Variants in VWF observed in about 807,000 individuals in gnomAD.
VWF encodes von Willebrand factor.
In VWF, 176 loss-of-function variants were observed where a neutral mutation model predicts 308.6. That is an observed-to-expected ratio of 0.57 (90% CI 0.50 to 0.65). VWF has a LOEUF of 0.65. VWF is among the 30% of genes least tolerant of loss of function. The probability of loss-of-function intolerance (pLI) is 0.00; values close to 1 mark genes in which losing one functional copy is unlikely to be tolerated. For missense variants in VWF, 3,146 were observed against 3,648.2 expected, an observed-to-expected ratio of 0.86 and a Z score of 3.55; for synonymous variants, 1,385 against 1,443.4, an observed-to-expected ratio of 0.96 and a Z score of 0.92.
At position 5,988,193 on chromosome 12, in the gene VWF, C is replaced by T. The variant is rs180796896; in HGVS notation, c.6799-2528G>A. Among the ~76,000 whole-genome samples the T allele has an allele frequency of 1.3e-3, 195 of 152,236 alleles. 2 individuals carry two copies. Among genetic ancestry groups the T allele is most frequent in the Middle Eastern group, 6.8e-3 (2 of 294 alleles). On this transcript the variant is annotated intron_variant, in intron 38 of 51. Transcript: ENST00000261405. ...AGACGAAGGAACACTCCCGCAGTGC[C>T]CGGCATCACAGGTGAGGCAGGTGGC...
rs11614724 is a variant in VWF, at chr12:6,032,499, G to T, written c.2686-921C>A. 5.3e-5 allele frequency among the ~76,000 whole-genome samples: 8 copies of T among 149,950 alleles called. 1 individual carries two copies. Among genetic ancestry groups the T allele is most frequent in the African/African-American group, 1.5e-4 (6 of 40,602 alleles). ...CTAAAATACAAAAAATTAGCCGGGCGTGGTGGCGGGCGCCTGTAGTCCCAG... is the reference window on the plus strand; with the variant it reads ...CTAAAATACAAAAAATTAGCCGGGCTTGGTGGCGGGCGCCTGTAGTCCCAG... On this transcript the variant is annotated intron_variant, in intron 20 of 51. Coordinates refer to ENST00000261405, the MANE Select transcript of VWF (RefSeq NM_000552.5).
At chr12:6,101,893 G>A (rs1205062099) in intron 5 of VWF, among the ~76,000 whole-genome samples, 1 of 152,092 alleles carries the variant, frequency 6.6e-6, no homozygotes, top group Non-Finnish European at 1.5e-5. Context: ...GAAGCATCAG[G>A]GCCAGGCGTG....
At position 6,016,481 on chromosome 12, in the gene VWF, C is replaced by A. The variant is rs959819602; in HGVS notation, c.5311+35G>T. 3.7e-6 allele frequency: 6 copies of A among 1,607,396 alleles called. No individual in the cohort carries two copies. The African/African-American group carries it at 5.4e-5, about 14-fold the overall frequency. On this transcript the variant is annotated intron_variant, in intron 30 of 51. Transcript: ENST00000261405. ...TATGCCAAAAATAAGAACCAGAATG[C>A]AGCTTCTGCATCCAGCCTGTGGCAC... is the stretch of plus-strand genomic sequence containing the variant.
Position 6,056,840 on chromosome 12 carries a change from G to T in VWF, c.1945+17C>A. ...TGGGGGGCGGCCCGGAGGGCTGCGGGCAGGGAGGGCACGCACCACAGCGGC... is the reference window on the plus strand; with the variant it reads ...TGGGGGGCGGCCCGGAGGGCTGCGGTCAGGGAGGGCACGCACCACAGCGGC... On this transcript the variant is annotated intron_variant, in intron 15 of 51. Transcript: ENST00000261405. The T allele has an allele frequency of 7.3e-7, 1 of 1,373,108 alleles. No homozygotes were observed. Among genetic ancestry groups the T allele is most frequent in the South Asian group, 1.7e-5 (1 of 57,304 alleles). 85.1% of individuals were successfully genotyped at this position (1,373,108 alleles called of 1,614,324 possible).
intron 47 of VWF, among the ~76,000 whole-genome samples, chr12:5,960,364 T>C (rs1943300240): frequency 1.3e-5 from 2 of 152,142 alleles, no homozygotes; most frequent in African/African-American, 2.4e-5. Flanking sequence ...ATTTTATATA[T>C]AAATCTTTTC....
rs985207719 is a variant in VWF, at chr12:6,063,228, G to A, written c.1433-174C>T. Among the ~76,000 whole-genome samples, 3 of 152,150 alleles carry A rather than the reference G, an allele frequency of 2.0e-5. No homozygotes were observed. Among genetic ancestry groups the A allele is most frequent in the Non-Finnish European group, 2.9e-5 (2 of 68,024 alleles). ...TTAAGGGGGTGTCAGGAGGAAGGGTGATCAAGGTGGACAGAGCGCAAATAG... is the reference window on the plus strand; with the variant it reads ...TTAAGGGGGTGTCAGGAGGAAGGGTAATCAAGGTGGACAGAGCGCAAATAG... On this transcript the variant is annotated intron_variant, in intron 12 of 51. Transcript: ENST00000261405. The surrounding 1 kb of genome is among the most constrained non-coding windows in gnomAD (Gnocchi z 4.9).
intron 6 of VWF, among the ~76,000 whole-genome samples, chr12:6,090,147 C>T (rs967748063): frequency 1.3e-5 from 2 of 151,968 alleles, no homozygotes; most frequent in African/African-American, 2.4e-5. Flanking sequence ...TTAGTAGAGA[C>T]GGGGTTTCAC....
chr12:6,081,454 C>CT (rs1944909327), intron 6 of VWF, among the ~76,000 whole-genome samples: 1 of 152,320 alleles, frequency 6.6e-6, no homozygotes, highest in Non-Finnish European at 1.5e-5. Flanking sequence ...ATTCTCCTGC[C>CT]TCAGCCTCCC....
At chr12:6,081,526 G>C (rs1357921969) in intron 6 of VWF, among the ~76,000 whole-genome samples, 1 of 152,122 alleles carries the variant, frequency 6.6e-6, no homozygotes, top group Non-Finnish European at 1.5e-5. Context: ...TTTTAGTACA[G>C]ACGGAGTTTC....
At chr12:6,035,046 G>C (rs1481755278) in intron 19 of VWF, among the ~76,000 whole-genome samples, 1 of 152,168 alleles carries the variant, frequency 6.6e-6, no homozygotes, top group African/African-American at 2.4e-5. Context: ...TCCCTAAAAG[G>C]GGGAAACTGA....
rs992468922 is a variant in VWF at position 6,124,540 on chromosome 12, T to G, written c.-120A>C. On this transcript the variant is annotated 5_prime_UTR_variant, in exon 1 of 52. Coordinates refer to ENST00000261405, the MANE Select transcript of VWF (RefSeq NM_000552.5). Reference sequence around the variant, plus strand: ...GCTGCTGCAAAGGCTCAATCAGGTCTGCTACAGCTCCGGACTGTCTTGCTG... The same window carrying G: ...GCTGCTGCAAAGGCTCAATCAGGTCGGCTACAGCTCCGGACTGTCTTGCTG... The G allele has an allele frequency of 6.6e-6, 1 of 152,478 alleles. No individual in the cohort carries two copies. The highest frequency in any genetic ancestry group is 1.5e-5 in the Non-Finnish European group (1 of 68,242). The allele number at this position is 152,478 out of a possible 1,614,324, so 9.4% of individuals were successfully genotyped here. A position where few individuals can be genotyped will look rare whatever the true frequency, so the allele number is the denominator to read the frequency against.
chr12:5,983,119 C>T, intron 41 of VWF, 31 bp downstream of exon 41: 2 of 1,603,858 alleles, frequency 1.2e-6, no homozygotes, highest in East Asian at 4.5e-5. Flanking sequence ...AGAGAGGCCA[C>T]ACCACCCCTC....
intron 5 of VWF, among the ~76,000 whole-genome samples, chr12:6,104,796 G>A (rs1591920929): frequency 6.6e-6 from 1 of 152,164 alleles, no homozygotes; most frequent in East Asian, 1.9e-4. Context: ...AAATATACCT[G>A]CACTAGTATA....
chr12:6,076,231 C>T (rs1275307493), intron 6 of VWF, among the ~76,000 whole-genome samples: 2 of 152,212 alleles, frequency 1.3e-5, no homozygotes, highest in Non-Finnish European at 2.9e-5. Context: ...AACCTGATAA[C>T]ACAGGCAGCT....
intron 5 of VWF, among the ~76,000 whole-genome samples, chr12:6,101,707 C>T (rs150378883): frequency 0.091 from 13,824 of 151,974 alleles, 1,269 homozygotes; most frequent in African/African-American, 0.24. Flanking sequence ...ACCCGGCAGG[C>T]GGAGGTTGCT....
At chr12:6,081,422 C>A (rs1182527446) in intron 6 of VWF, among the ~76,000 whole-genome samples, 1 of 152,182 alleles carries the variant, frequency 6.6e-6, no homozygotes, top group East Asian at 1.9e-4. Context: ...TCACTGCAAC[C>A]TCCGACTTCC....
intron 5 of VWF, among the ~76,000 whole-genome samples, chr12:6,106,239 T>C (rs1200157268): frequency 2.0e-5 from 3 of 152,118 alleles, no homozygotes; most frequent in Non-Finnish European, 4.4e-5. Context: ...TCTGATACAA[T>C]GGAATATTAT....
chr12:6,090,064 TCTC>T (rs1039537953), intron 6 of VWF, among the ~76,000 whole-genome samples: 10 of 152,074 alleles, frequency 6.6e-5, no homozygotes, highest in African/African-American at 2.4e-4. Flanking sequence ...TTCATGCCAT[TCTC>T]CTGCCTCAGC....
chr12:5,980,740 C>T (rs1272952232), intron 42 of VWF, among the ~76,000 whole-genome samples: 2 of 151,730 alleles, frequency 1.3e-5, no homozygotes, highest in Non-Finnish European at 2.9e-5. Flanking sequence ...AGGTCTTAAG[C>T]ATTCCAGACA....
Sources: allele counts gnomAD v4.1 joint callset (sites outside exome capture counted in the v4.1 genomes callset), GRCh38; gene constraint gnomAD v4.1.1; non-coding constraint Gnocchi (gnomAD v3.1); transcripts MANE v1.5; gene names NCBI Gene and HGNC (gene_info 2026-07-23, HGNC 2026-07-21).